The following ERC2 variants were observed in gnomAD, a reference collection of about 807,000 sequenced individuals.
ERC2 encodes ELKS/RAB6-interacting/CAST family member 2.
ERC2 carries 42 observed loss-of-function variants against 114.8 expected under a neutral mutation model. That is an observed-to-expected ratio of 0.37 (90% CI 0.29 to 0.47). The LOEUF is 0.47. ERC2 is among the 20% of genes least tolerant of loss of function. ERC2 has a pLI of 0.99. For missense variants in ERC2, 939 were observed against 1,150.7 expected (o/e 0.82, Z 2.66); for synonymous variants, 454 against 425.5 (o/e 1.07, Z -0.82).
At chr3:56,078,171 CA>C (rs2149749598) in intron 7 of ERC2, among the ~76,000 whole-genome samples, 1 of 152,214 alleles carries the variant, frequency 6.6e-6, no homozygotes, top group East Asian at 1.9e-4. Flanking sequence ...ATTTCTGTGT[CA>C]ATTAGCTAGT....
At chr3:56,099,768 G>C (rs1449860123) in intron 6 of ERC2, among the ~76,000 whole-genome samples, 1 of 152,206 alleles carries the variant, frequency 6.6e-6, no homozygotes, top group Non-Finnish European at 1.5e-5. Context: ...AAGGATATGT[G>C]AAGGTTTCTT....
chr3:55,869,975 T>C (rs2149280019), intron 14 of ERC2, among the ~76,000 whole-genome samples: 1 of 152,132 alleles, frequency 6.6e-6, no homozygotes, highest in South Asian at 2.1e-4. Context: ...CACTCAAGGG[T>C]TGTGAAAAAC....
chr3:56,432,394 T>A (rs2061831021), intron 2 of ERC2, among the ~76,000 whole-genome samples: 1 of 152,082 alleles, frequency 6.6e-6, no homozygotes, highest in Admixed American at 6.6e-5. Flanking sequence ...AGAAAACCAG[T>A]ATAAAACTGG....
intron 3 of ERC2, among the ~76,000 whole-genome samples, chr3:56,285,522 C>G (rs2054637339): frequency 6.6e-6 from 1 of 152,174 alleles, no homozygotes; most frequent in Admixed American, 6.5e-5. Flanking sequence ...TAGTAACAGG[C>G]AGTCTTCCCC....
At chr3:55,575,282 T>A (rs563002767) in intron 17 of ERC2, among the ~76,000 whole-genome samples, 1 of 152,302 alleles carries the variant, frequency 6.6e-6, no homozygotes, top group East Asian at 1.9e-4. Context: ...ACTCCCAAAG[T>A]GCTGGGATTA....
chr3:55,724,454 CT>C (rs1019649135), intron 15 of ERC2, among the ~76,000 whole-genome samples: 2 of 152,178 alleles, frequency 1.3e-5, no homozygotes, highest in African/African-American at 4.8e-5. Flanking sequence ...CATGGAAAAG[CT>C]TCAATGTGAG....
At chr3:55,761,550 C>T (rs1226918735) in intron 14 of ERC2, among the ~76,000 whole-genome samples, 1 of 152,090 alleles carries the variant, frequency 6.6e-6, no homozygotes, top group Non-Finnish European at 1.5e-5. Context: ...TAAACAAATG[C>T]ATGTGGCTGT....
chr3:56,361,622 A>G (rs1417849464), intron 2 of ERC2, among the ~76,000 whole-genome samples: 1 of 152,154 alleles, frequency 6.6e-6, no homozygotes, highest in Non-Finnish European at 1.5e-5. Flanking sequence ...AAACAAACAC[A>G]CTAAGTCTGT....
At chr3:55,933,231 A>G (rs571115607) in intron 13 of ERC2, among the ~76,000 whole-genome samples, 1 of 152,084 alleles carries the variant, frequency 6.6e-6, no homozygotes, top group African/African-American at 2.4e-5. Context: ...AAGAGAGAGA[A>G]TAAAGAAAGT....
chr3:56,456,706 C>T lies in ERC2; in HGVS notation c.-141+11542G>A, dbSNP rs533628774. Among the ~76,000 whole-genome samples the T allele has an allele frequency of 9.1e-4, 138 of 152,310 alleles. 1 individual carries two copies. Among genetic ancestry groups the T allele is most frequent in the Non-Finnish European group, 1.1e-3 (77 of 68,030 alleles). ...ATTACATTATGAGCTAAATAGTTCT[C>T]CCTGTATTATTGCCTACAGTTTTCC... On this transcript the variant is annotated intron_variant, in intron 1 of 17. Coordinates refer to ENST00000288221, the MANE Select transcript of ERC2 (RefSeq NM_015576.3).
chr3:56,300,454 A>G (rs879698130), intron 2 of ERC2, among the ~76,000 whole-genome samples: 1 of 152,152 alleles, frequency 6.6e-6, no homozygotes, highest in East Asian at 1.9e-4. Context: ...GTAGGAAAAC[A>G]TCCCAAACCA....
At chr3:56,468,012 C>CACTT in intron 1 of ERC2, among the ~76,000 whole-genome samples, 1 of 152,202 alleles carries the variant, frequency 6.6e-6, no homozygotes, top group East Asian at 2.0e-4. Flanking sequence ...GGAAACCGTG[C>CACTT]ACTTGTTCCA....
At chr3:56,372,686 C>T (rs1035147426) in intron 2 of ERC2, among the ~76,000 whole-genome samples, 14 of 152,016 alleles carry the variant, frequency 9.2e-5, no homozygotes, top group Non-Finnish European at 1.9e-4. Flanking sequence ...TGAGATCACA[C>T]CACTGCACAC....
At chr3:55,732,302 T>C (rs1274323361) in intron 15 of ERC2, among the ~76,000 whole-genome samples, 1 of 152,196 alleles carries the variant, frequency 6.6e-6, no homozygotes, top group African/African-American at 2.4e-5. Context: ...ATAAGGATAC[T>C]GAAATTCAGG....
In ERC2 at chr3:55,510,805, A is replaced by G. The variant is rs2052020976; in HGVS notation, c.*511T>C. Reference sequence around the variant, plus strand: ...CACCACTCACTCACAGCGAATTTATACTTTTTGATAATCTAATGCATTAGG... The same window carrying G: ...CACCACTCACTCACAGCGAATTTATGCTTTTTGATAATCTAATGCATTAGG... On this transcript the variant is annotated 3_prime_UTR_variant, in exon 18 of 18. Transcript: ENST00000288221. 6.6e-6 allele frequency: 1 copy of G among 152,240 alleles called. No homozygotes were observed. Among genetic ancestry groups the G allele is most frequent in the African/African-American group, 2.4e-5 (1 of 41,450 alleles). 9.4% of individuals were successfully genotyped at this position (152,240 alleles called of 1,614,324 possible).
chr3:56,380,213 C>T (rs1049998518), intron 2 of ERC2, among the ~76,000 whole-genome samples: 3 of 152,114 alleles, frequency 2.0e-5, no homozygotes, highest in Non-Finnish European at 4.4e-5. Context: ...TCTGGGGAGA[C>T]ATGATTGCTT....
chr3:55,817,581 A>T (rs1657674450), intron 14 of ERC2, among the ~76,000 whole-genome samples: 1 of 152,244 alleles, frequency 6.6e-6, no homozygotes, highest in African/African-American at 2.4e-5. Context: ...TTAGAAAGTC[A>T]ACTACTCCCA....
intron 14 of ERC2, among the ~76,000 whole-genome samples, chr3:55,791,637 T>A (rs2070033740): frequency 6.6e-6 from 1 of 152,212 alleles, no homozygotes; most frequent in South Asian, 2.1e-4. Context: ...CAAAAATCCA[T>A]ATTAACCCAT....
At chr3:56,446,188 T>G (rs952069190) in intron 1 of ERC2, among the ~76,000 whole-genome samples, 1 of 152,138 alleles carries the variant, frequency 6.6e-6, no homozygotes, top group Non-Finnish European at 1.5e-5. Context: ...CAGTCTTAGG[T>G]GCCCAGGATT....
Sources: allele counts gnomAD v4.1 joint callset (sites outside exome capture counted in the v4.1 genomes callset), GRCh38; gene constraint gnomAD v4.1.1; transcripts MANE v1.5; gene names NCBI Gene and HGNC (gene_info 2026-07-23, HGNC 2026-07-21).